TRPM6: variants seen among roughly 807,000 people sequenced by gnomAD.
TRPM6 encodes the protein transient receptor potential cation channel subfamily M member 6, also known as channel kinase 2.
TRPM6 carries 111 observed loss-of-function variants against 247.6 expected under a neutral mutation model. The observed-to-expected ratio is 0.45, with a 90% confidence interval of 0.38 to 0.52. TRPM6 has a LOEUF of 0.52. Ranked by LOEUF, TRPM6 falls within the 20% of genes least tolerant of loss-of-function variation. The pLI is 0.00. For missense variants in TRPM6, 2,126 were observed against 2,421.5 expected, an observed-to-expected ratio of 0.88 and a Z score of 2.56; for synonymous variants, 892 against 853.8, an observed-to-expected ratio of 1.04 and a Z score of -0.78.
chr9:74,740,777 T>G (rs1198965917), intron 33 of TRPM6, among the ~76,000 whole-genome samples: 2 of 152,198 alleles, frequency 1.3e-5, no homozygotes, highest in Non-Finnish European at 2.9e-5. Flanking sequence ...GATTTCAGCT[T>G]GAATTTAATA....
chr9:74,807,357 C>A (rs966158035), intron 14 of TRPM6, among the ~76,000 whole-genome samples: 3 of 152,176 alleles, frequency 2.0e-5, no homozygotes, highest in Non-Finnish European at 4.4e-5. Context: ...CTTCTCTTCT[C>A]TCAACAAAAA....
intron 1 of TRPM6, among the ~76,000 whole-genome samples, chr9:74,882,930 G>T (rs1485338712): frequency 6.6e-6 from 1 of 152,080 alleles, no homozygotes; most frequent in Non-Finnish European, 1.5e-5. Flanking sequence ...GCTCAGTTTT[G>T]CTAAGTATAT....
At chr9:74,739,473 A>C in intron 34 of TRPM6, 24 bp from the exon 35 acceptor site, 1 of 1,603,010 alleles carries the variant, frequency 6.2e-7, no homozygotes, top group Non-Finnish European at 8.5e-7. Flanking sequence ...AGCACTGATA[A>C]AAATACTGAT....
At chr9:74,783,694 C>T (rs1299558594) in intron 21 of TRPM6, among the ~76,000 whole-genome samples, 2 of 152,140 alleles carry the variant, frequency 1.3e-5, no homozygotes, top group Non-Finnish European at 2.9e-5. Context: ...TTGGTTATCT[C>T]GGCATAGCCT....
intron 28 of TRPM6, among the ~76,000 whole-genome samples, chr9:74,752,821 G>T (rs979905754): frequency 1.3e-5 from 2 of 152,032 alleles, no homozygotes; most frequent in African/African-American, 2.4e-5. Flanking sequence ...AACAATAAAA[G>T]AATAATAGAG....
At chr9:74,766,906 G>A (rs116133789) in intron 25 of TRPM6, among the ~76,000 whole-genome samples, 3,951 of 151,850 alleles carry the variant, frequency 0.026, 161 homozygotes, top group African/African-American at 0.086. Context: ...GCGAAACTCC[G>A]TCTCAAAAAA....
At chr9:74,796,033 T>C (rs1021771740) in intron 18 of TRPM6, among the ~76,000 whole-genome samples, 25 of 152,294 alleles carry the variant, frequency 1.6e-4, no homozygotes, top group Admixed American at 1.6e-3. Context: ...GTAATGCAAA[T>C]TATGTTCCTC....
intron 1 of TRPM6, among the ~76,000 whole-genome samples, chr9:74,886,634 A>G (rs954853712): frequency 1.3e-5 from 2 of 151,712 alleles, no homozygotes; most frequent in African/African-American, 4.9e-5. Flanking sequence ...GAGATGGGAG[A>G]GACAGGATAC....
Position 74,724,654 on chromosome 9 carries a change from C to T in TRPM6, c.6028G>A (p.Glu2010Lys), listed in dbSNP as rs778988386. The change falls in exon 39 of 39, where the codon GAG becomes AAG. Residue 2010 changes from glutamate to lysine, a missense_variant. Glu to Lys is a moderately conservative substitution (Grantham distance 56). Transcript: ENST00000360774. Reference sequence around the variant, plus strand: ...TCTTCTGGGGAATTTCTACCCGTCTCCCTTGCTGGAGGCTCCTCAGCTGAT... The same window carrying T: ...TCTTCTGGGGAATTTCTACCCGTCTTCCTTGCTGGAGGCTCCTCAGCTGAT... Reference protein sequence around the residue: ...IESAEEPPARETGRNSPEDDM... With the variant: ...IESAEEPPARKTGRNSPEDDM... The T allele has an allele frequency of 3.7e-6, 6 of 1,614,182 alleles. No individual in the cohort carries two copies. In the South Asian group the frequency reaches 6.6e-5, roughly 18 times the overall value.
chr9:74,802,405 C>T (rs1828376258), intron 15 of TRPM6, among the ~76,000 whole-genome samples: 1 of 152,126 alleles, frequency 6.6e-6, no homozygotes, highest in African/African-American at 2.4e-5. Context: ...ATCTTAAGGT[C>T]ATTTAGCATA....
intron 6 of TRPM6, among the ~76,000 whole-genome samples, chr9:74,831,422 G>C (rs1375028404): frequency 6.6e-6 from 1 of 152,030 alleles, no homozygotes; most frequent in Non-Finnish European, 1.5e-5. Flanking sequence ...CCCAGGAGGC[G>C]GAGGTTGCAG....
intron 28 of TRPM6, among the ~76,000 whole-genome samples, chr9:74,752,982 G>T (rs1826302830): frequency 6.6e-6 from 1 of 151,850 alleles, no homozygotes. Flanking sequence ...GTGTGGTGGT[G>T]CATACCTGTA....
At chr9:74,780,389 G>A (rs1484820873) in intron 23 of TRPM6, among the ~76,000 whole-genome samples, 3 of 152,160 alleles carry the variant, frequency 2.0e-5, no homozygotes, top group Middle Eastern at 3.4e-3. Context: ...GGGAGGCAGA[G>A]GTTGCAGTGA....
chr9:74,841,030 A>T (rs182048861), intron 4 of TRPM6, among the ~76,000 whole-genome samples: 2 of 152,256 alleles, frequency 1.3e-5, no homozygotes, highest in Admixed American at 6.5e-5. Flanking sequence ...AAGATTCTAG[A>T]GCATGGACAT....
intron 24 of TRPM6, among the ~76,000 whole-genome samples, chr9:74,773,905 C>A (rs4543605): frequency 6.6e-6 from 1 of 151,990 alleles, no homozygotes; most frequent in Non-Finnish European, 1.5e-5. Flanking sequence ...GTATCTCCCA[C>A]CCCCTACCCA....
At chr9:74,819,698 C>T (rs1011520391) in intron 9 of TRPM6, among the ~76,000 whole-genome samples, 4 of 152,128 alleles carry the variant, frequency 2.6e-5, no homozygotes, top group African/African-American at 4.8e-5. Flanking sequence ...TTACTCAGGA[C>T]GCTGTGAGGC....
intron 27 of TRPM6, among the ~76,000 whole-genome samples, 171 bp from the exon 28 acceptor site, chr9:74,755,644 A>C (rs997530893): frequency 6.6e-6 from 1 of 152,182 alleles, no homozygotes; most frequent in Admixed American, 6.5e-5. Flanking sequence ...GGACACAAGC[A>C]TCCATGTGAT....
intron 1 of TRPM6, among the ~76,000 whole-genome samples, chr9:74,866,729 C>T (rs1485180398): frequency 6.6e-6 from 1 of 152,168 alleles, no homozygotes; most frequent in Non-Finnish European, 1.5e-5. Flanking sequence ...GATACACCCA[C>T]CTCAGTCTCC....
chr9:74,838,369 C>T (rs1363477123), intron 5 of TRPM6, among the ~76,000 whole-genome samples: 1 of 152,176 alleles, frequency 6.6e-6, no homozygotes, highest in East Asian at 1.9e-4. Flanking sequence ...GAATGTGAAA[C>T]AATCTCTATA....
Sources: allele counts gnomAD v4.1 joint callset (sites outside exome capture counted in the v4.1 genomes callset), GRCh38; gene constraint gnomAD v4.1.1; transcripts MANE v1.5; gene names NCBI Gene and HGNC (gene_info 2026-07-23, HGNC 2026-07-21).